The following URM1 variants were observed in gnomAD, a reference collection of about 807,000 sequenced individuals.
URM1 encodes ubiquitin related modifier 1, also known as ubiquitin-related modifier 1.
Under a neutral mutation model 17.7 loss-of-function variants are expected in URM1, and 11 were observed. The ratio of observed to expected loss-of-function variants is 0.62; its 90% confidence interval spans 0.39 to 1.03. The LOEUF (loss-of-function observed/expected upper bound fraction) is 1.03. Ranked by LOEUF, URM1 falls within the 50% of genes least tolerant of loss-of-function variation. The probability of loss-of-function intolerance (pLI) is 0.00; values close to 1 mark genes in which losing one functional copy is unlikely to be tolerated. For synonymous variants in URM1, 48 were observed against 50.6 expected (o/e 0.95, Z 0.22); for missense variants, 128 against 129.2 (o/e 0.99, Z 0.04).
At chr9:128,384,755 G>A (rs1833204689) in intron 2 of URM1, among the ~76,000 whole-genome samples, 1 of 152,048 alleles carries the variant, frequency 6.6e-6, no homozygotes, top group Non-Finnish European at 1.5e-5. Context: ...ATGACCCTAT[G>A]AGACAATGTT....
intron 1 of URM1, among the ~76,000 whole-genome samples, 197 bp from the exon 2 acceptor site, chr9:128,377,839 G>A (rs1028934354): frequency 2.0e-5 from 3 of 152,094 alleles, no homozygotes; most frequent in African/African-American, 4.8e-5. Flanking sequence ...CAGCATAGGC[G>A]ACAGAGTAAG....
intron 3 of URM1, chr9:128,388,441 C>G (rs1833257748): frequency 2.0e-6 from 2 of 986,084 alleles, no homozygotes; most frequent in Admixed American, 1.2e-4. Context: ...TGGAAAGGAC[C>G]AGGTTCCAGT....
At position 128,389,728 on chromosome 9, in the gene URM1, C is replaced by T. The variant is rs374697837; in HGVS notation, c.300C>T (p.Gly100=). The change falls in exon 5 of 5, where the codon GGC becomes GGT. Residue 100 remains glycine, a synonymous_variant. Coordinates refer to ENST00000372853, the MANE Select transcript of URM1 (RefSeq NM_030914.4). The part of the protein sequence containing the change: ...DSVLFISTLH[G]G ...TCCTCTTCATCTCCACTCTGCACGGCGGCTGAGGGCCCTTCTCTGGGCCTG... is the reference window on the plus strand; with the variant it reads ...TCCTCTTCATCTCCACTCTGCACGGTGGCTGAGGGCCCTTCTCTGGGCCTG... The T allele has an allele frequency of 3.5e-5, 56 of 1,613,412 alleles. 1 individual carries two copies. Among genetic ancestry groups the T allele is most frequent in the South Asian group, 9.9e-5 (9 of 91,088 alleles).
At position 128,386,706 on chromosome 9, in the gene URM1, C is replaced by T. The variant is rs180943054; in HGVS notation, c.107-1110C>T. Among the ~76,000 whole-genome samples, 107 of 152,354 alleles carry T rather than the reference C, an allele frequency of 7.0e-4. 1 individual carries two copies. Among genetic ancestry groups the T allele is most frequent in the Non-Finnish European group, 1.4e-3 (94 of 68,034 alleles). On this transcript the variant is annotated intron_variant, in intron 2 of 4. Transcript: ENST00000372853. Reference sequence around the variant, plus strand: ...CTGAGTCCTAGCCACCTTTCCCTTGCGTACACTCTGGACTCCAGGCAGGAA... The same window carrying T: ...CTGAGTCCTAGCCACCTTTCCCTTGTGTACACTCTGGACTCCAGGCAGGAA...
chr9:128,375,986 A>G (rs1408765288), intron 1 of URM1, among the ~76,000 whole-genome samples: 1 of 152,124 alleles, frequency 6.6e-6, no homozygotes, highest in Non-Finnish European at 1.5e-5. Flanking sequence ...TGTGTTCTGC[A>G]CCTGTGTGGT....
Position 128,391,637 on chromosome 9 carries a change from C to T in URM1, c.*1903C>T, listed in dbSNP as rs1833316828. 6.6e-6 allele frequency: 1 copy of T among 152,264 alleles called. No homozygotes were observed. The highest frequency in any genetic ancestry group is 2.4e-5 in the African/African-American group (1 of 41,456). 9.4% of individuals were successfully genotyped at this position (152,264 alleles called of 1,614,324 possible). On this transcript the variant is annotated 3_prime_UTR_variant, in exon 5 of 5. Coordinates refer to ENST00000372853, the MANE Select transcript of URM1 (RefSeq NM_030914.4). ...AGCTGCAGGAGCGGCCCCATCAGTGCACCTGATTGGAACACACTAGATTTC... is the reference window on the plus strand; with the variant it reads ...AGCTGCAGGAGCGGCCCCATCAGTGTACCTGATTGGAACACACTAGATTTC...
rs1418316487 is a variant in URM1 at position 128,390,887 on chromosome 9, G to T, written c.*1153G>T. ...GGGTGAACACTCAGACAATCTGAGA[G>T]GGGGTAGTCTAATAGAGCCATCTGG... On this transcript the variant is annotated 3_prime_UTR_variant, in exon 5 of 5. Transcript: ENST00000372853. The T allele has an allele frequency of 6.5e-6, 1 of 152,706 alleles. No individual in the cohort carries two copies. The highest frequency in any genetic ancestry group is 6.5e-5 in the Admixed American group (1 of 15,294). The allele number at this position is 152,706 out of a possible 1,614,324, so 9.5% of individuals were successfully genotyped here.
intron 1 of URM1, among the ~76,000 whole-genome samples, chr9:128,372,451 C>T (rs1256432266): frequency 2.6e-5 from 4 of 152,142 alleles, no homozygotes; most frequent in East Asian, 1.9e-4. Flanking sequence ...AGTTCATTCA[C>T]CAGCCATTTA....
At position 128,389,870 on chromosome 9, in the gene URM1, C is replaced by A; in HGVS notation, c.*136C>A. 2 of 1,254,972 alleles carry A rather than the reference C, an allele frequency of 1.6e-6. No homozygotes were observed. Among genetic ancestry groups the A allele is most frequent in the South Asian group, 1.5e-5 (1 of 65,112 alleles). 77.7% of individuals were successfully genotyped at this position (1,254,972 alleles called of 1,614,324 possible). On this transcript the variant is annotated 3_prime_UTR_variant, in exon 5 of 5. Coordinates refer to ENST00000372853, the MANE Select transcript of URM1 (RefSeq NM_030914.4). Reference sequence around the variant, plus strand: ...CTCTGTCCCCTAAGCTCCCTCCAGGCAGGGAAAAGAGGCCAGGTGCTAAAA... The same window carrying A: ...CTCTGTCCCCTAAGCTCCCTCCAGGAAGGGAAAAGAGGCCAGGTGCTAAAA...
rs149355542 is a variant in URM1 at position 128,387,786 on chromosome 9, C to A, written c.107-30C>A. 9 of 1,613,700 alleles carry A rather than the reference C, an allele frequency of 5.6e-6. No homozygotes were observed. In the East Asian group the frequency reaches 1.8e-4, roughly 32 times the overall value. ...GTGGGCAGGTGCTATTTGGGTTTGA[C>A]AAGAGTTTGTTCTGTGCATTCCTTT... On this transcript the variant is annotated intron_variant, in intron 2 of 4. Transcript: ENST00000372853. The surrounding 1 kb of genome is among the most constrained non-coding windows in gnomAD (Gnocchi z 4.3).
At chr9:128,379,526 A>G (rs1364952660) in intron 2 of URM1, among the ~76,000 whole-genome samples, 2 of 145,232 alleles carry the variant, frequency 1.4e-5, no homozygotes, top group Non-Finnish European at 3.0e-5. Flanking sequence ...TTGGCTGGGC[A>G]CGGTGGCTCA....
chr9:128,371,509 C>T (rs1833012296), intron 1 of URM1, 94 bp downstream of exon 1: 2 of 1,329,244 alleles, frequency 1.5e-6, no homozygotes, highest in South Asian at 2.6e-5. Context: ...ACGGCCGAAT[C>T]ACTGGGTGTC....
chr9:128,388,574 A>G (rs868572929), intron 3 of URM1: 2 of 986,292 alleles, frequency 2.0e-6, no homozygotes, highest in Non-Finnish European at 2.4e-6. Context: ...GATCAGGCCT[A>G]GGGGATCAGC....
intron 1 of URM1, among the ~76,000 whole-genome samples, chr9:128,372,803 G>C (rs927435625): frequency 7.9e-5 from 12 of 152,092 alleles, no homozygotes; most frequent in Non-Finnish European, 1.5e-4. Flanking sequence ...GCCAGGCATG[G>C]AGGCTCATGC....
At chr9:128,383,716 G>A (rs1833190420) in intron 2 of URM1, among the ~76,000 whole-genome samples, 1 of 152,182 alleles carries the variant, frequency 6.6e-6, no homozygotes, top group African/African-American at 2.4e-5. Context: ...GAGGCTGGAT[G>A]AGGGTCTGTT....
chr9:128,387,972 G>A lies in URM1; in HGVS notation c.188+75G>A, dbSNP rs1833250607. On this transcript the variant is annotated intron_variant, in intron 3 of 4. Transcript: ENST00000372853. The surrounding 1 kb of genome is among the most constrained non-coding windows in gnomAD (Gnocchi z 4.3). ...ATTTGAGCCCCCACCCTCGGGTTCA[G>A]TCCTGGCCTTCTCTGAATCCGGTTC... 1.1e-5 allele frequency: 17 copies of A among 1,582,676 alleles called. No individual in the cohort carries two copies. In the East Asian group the frequency reaches 3.4e-4, roughly 32 times the overall value.
At chr9:128,389,454 C>G in intron 4 of URM1, 145 bp downstream of exon 4, 1 of 1,574,416 alleles carries the variant, frequency 6.4e-7, no homozygotes, top group Non-Finnish European at 8.6e-7. Flanking sequence ...GCTGGAGTCT[C>G]CCACTCCAGG....
At chr9:128,381,903 T>C (rs1204796077) in intron 2 of URM1, among the ~76,000 whole-genome samples, 2 of 152,210 alleles carry the variant, frequency 1.3e-5, no homozygotes, top group Non-Finnish European at 2.9e-5. Flanking sequence ...TTTCCAGTTT[T>C]TACGCTTTCC....
chr9:128,386,794 A>G (rs1477528543), intron 2 of URM1, among the ~76,000 whole-genome samples: 1 of 152,250 alleles, frequency 6.6e-6, no homozygotes, highest in African/African-American at 2.4e-5. Context: ...GCATTAGTCC[A>G]GGACAGCAGA....
Sources: gnomAD v4.1 joint callset for allele counts (sites outside exome capture counted in the v4.1 genomes callset) on GRCh38, gnomAD v4.1.1 for gene constraint, Gnocchi (gnomAD v3.1) non-coding constraint, MANE v1.5 for transcripts, NCBI Gene and HGNC (gene_info 2026-07-23, HGNC 2026-07-21) for gene names.